Variants in AREL1 observed in about 807,000 individuals in gnomAD.
AREL1 encodes apoptosis resistant E3 ubiquitin protein ligase 1.
In AREL1, 62 loss-of-function variants were observed where a neutral mutation model predicts 99.0. The observed-to-expected ratio is 0.63, with a 90% CI of 0.51 to 0.77. The LOEUF (loss-of-function observed/expected upper bound fraction) is 0.77. Among genes scored for constraint, AREL1 ranks in the 30% least tolerant of loss-of-function variants. The probability of loss-of-function intolerance (pLI) is 0.00; values close to 1 mark genes in which losing one functional copy is unlikely to be tolerated. For missense variants in AREL1, 879 were observed against 1,027.6 expected (o/e 0.86, Z 1.98); for synonymous variants, 380 against 376.5 (o/e 1.01, Z -0.11).
At position 74,661,998 on chromosome 14, in the gene AREL1, A is replaced by G. The variant is rs2089090922; in HGVS notation, c.*1722T>C. 1 of 152,576 alleles carries G rather than the reference A, an allele frequency of 6.6e-6. No homozygotes were observed. The highest frequency in any genetic ancestry group is 2.4e-5 in the African/African-American group (1 of 41,374). 9.5% of individuals were successfully genotyped at this position (152,576 alleles called of 1,614,324 possible). On this transcript the variant is annotated 3_prime_UTR_variant, in exon 20 of 20. Transcript: ENST00000356357. ...ATTATGTTTCCCAGGGTGGTGATAA[A>G]CCTTCCGGTACATATCCCATGGGAA...
chr14:74,669,558 A>C (rs540505319), intron 15 of AREL1, 91 bp downstream of exon 15: 1 of 1,484,812 alleles, frequency 6.7e-7, no homozygotes, highest in African/African-American at 1.4e-5. Flanking sequence ...AATATGGAAC[A>C]TTTCCACCAC....
In AREL1 at chr14:74,672,714, A is replaced by G. The variant is rs146323884; in HGVS notation, c.1422+117T>C. The G allele has an allele frequency of 4.1e-4, 568 of 1,397,284 alleles. 6 individuals are homozygous for G. The African/African-American group carries it at 7.3e-3, about 18-fold the overall frequency. The allele number at this position is 1,397,284 out of a possible 1,614,324, so 86.6% of individuals were successfully genotyped here. On this transcript the variant is annotated intron_variant, in intron 11 of 19. Transcript: ENST00000356357. ...CGCACCTCTGCACCCCAGCCTGGGC[A>G]ATAGAGTGAGACCCTATCTCCCAAA...
At position 74,661,618 on chromosome 14, in the gene AREL1, C is replaced by A. The variant is rs548357349; in HGVS notation, c.*2102G>T. The A allele has an allele frequency of 1.1e-3, 204 of 184,954 alleles. 1 individual carries two copies. Among genetic ancestry groups the A allele is most frequent in the African/African-American group, 4.7e-3 (186 of 39,524 alleles). 11.5% of individuals were successfully genotyped at this position (184,954 alleles called of 1,614,324 possible). ...AAAGCAGGATTAGAAAAAAAAAAAA[C>A]AAAACAGTAAAAGAAAAGGCCCAAG... On this transcript the variant is annotated 3_prime_UTR_variant, in exon 20 of 20. Coordinates refer to ENST00000356357, the MANE Select transcript of AREL1 (RefSeq NM_001039479.2).
At chr14:74,705,989 G>A (rs76131377) in intron 1 of AREL1, among the ~76,000 whole-genome samples, 1 of 152,194 alleles carries the variant, frequency 6.6e-6, no homozygotes, top group East Asian at 1.9e-4. Flanking sequence ...CTCATGGGGA[G>A]AAAAACAAAA....
rs1165500321 is a variant in AREL1 at position 74,684,511 on chromosome 14, G to A, written c.186C>T (p.Val62=). ...CATAGGGGTCCTTCCAATCCCAGGA[G>A]ACTTTGCAAGACCGGGGATCCAGGT... is the stretch of plus-strand genomic sequence containing the variant. ...GNYLDPRSCK[V]SWDWKDPYEV... The change falls in exon 4 of 20, where the codon GTC becomes GTT. Residue 62 remains valine (V), a synonymous_variant. Transcript: ENST00000356357. 4 of 1,614,050 alleles carry A rather than the reference G, an allele frequency of 2.5e-6. No homozygotes were observed. The South Asian group carries it at 3.3e-5, about 13-fold the overall frequency.
At position 74,667,595 on chromosome 14, in the gene AREL1, C is replaced by G; in HGVS notation, c.1915-1G>C. 4 of 1,601,320 alleles carry G rather than the reference C, an allele frequency of 2.5e-6. No homozygotes were observed. The highest frequency in any genetic ancestry group is 3.4e-6 in the Non-Finnish European group (4 of 1,173,434). ...CTCCACCTGTCATGAGTTCTACAAC[C>G]TGTAACAGGCAGCAAAAGACAGACA... On this transcript the variant is annotated splice_acceptor_variant, in intron 15 of 19. Transcript: ENST00000356357. LOFTEE classifies it high-confidence loss of function.
intron 18 of AREL1, among the ~76,000 whole-genome samples, chr14:74,664,607 C>T (rs2089168639): frequency 1.3e-5 from 2 of 148,374 alleles, no homozygotes; most frequent in Admixed American, 1.3e-4. Context: ...CCACCACACC[C>T]AGCTAATTTT....
intron 2 of AREL1, among the ~76,000 whole-genome samples, chr14:74,689,609 T>C (rs1353639584): frequency 6.8e-6 from 1 of 147,096 alleles, no homozygotes; most frequent in Non-Finnish European, 1.5e-5. Context: ...TTTTTTTTTT[T>C]TTTTTGGGAC....
In AREL1 at chr14:74,675,952, G is replaced by A; in HGVS notation, c.833-6C>T. 4 of 1,574,238 alleles carry A rather than the reference G, an allele frequency of 2.5e-6. No homozygotes were observed. Among genetic ancestry groups the A allele is most frequent in the Non-Finnish European group, 3.4e-6 (4 of 1,160,334 alleles). On this transcript the variant is annotated splice_polypyrimidine_tract_variant and splice_region_variant and intron_variant, in intron 7 of 19. Coordinates refer to ENST00000356357, the MANE Select transcript of AREL1 (RefSeq NM_001039479.2). Reference sequence around the variant, plus strand: ...GACGATATTCTTCTCATCCTCTGAAGTATAATAAGGAATAAGGTTTAAAGT... The same window carrying A: ...GACGATATTCTTCTCATCCTCTGAAATATAATAAGGAATAAGGTTTAAAGT...
At chr14:74,677,480 A>C (rs2089513639) in intron 5 of AREL1, among the ~76,000 whole-genome samples, 1 of 150,238 alleles carries the variant, frequency 6.7e-6, no homozygotes, top group Non-Finnish European at 1.5e-5. Context: ...TGTGTGACAA[A>C]GGGAGACCCT....
At chr14:74,682,361 A>G (rs1214323237) in intron 5 of AREL1, among the ~76,000 whole-genome samples, 1 of 152,184 alleles carries the variant, frequency 6.6e-6, no homozygotes, top group Non-Finnish European at 1.5e-5. Context: ...AACTAACCAA[A>G]CTAATGACTC....
intron 1 of AREL1, among the ~76,000 whole-genome samples, chr14:74,705,752 T>C (rs2090166261): frequency 6.6e-6 from 1 of 152,316 alleles, no homozygotes; most frequent in South Asian, 2.1e-4. Context: ...TCAGTTTGGA[T>C]TCTCTCTATT....
chr14:74,670,268 G>C, intron 13 of AREL1, 142 bp from the exon 14 acceptor site: 1 of 760,064 alleles, frequency 1.3e-6, no homozygotes, highest in Non-Finnish European at 2.0e-6. Flanking sequence ...TAGTTTTTTG[G>C]TAGCCACCAC....
Position 74,712,894 on chromosome 14 carries a change from G to A in AREL1, c.-334+39C>T, listed in dbSNP as rs116394701. 4.1e-3 allele frequency: 2,439 copies of A among 597,314 alleles called. 38 individuals are homozygous for A. Among genetic ancestry groups the A allele is most frequent in the African/African-American group, 0.039 (2,122 of 54,494 alleles). 37.0% of individuals were successfully genotyped at this position (597,314 alleles called of 1,614,324 possible). On this transcript the variant is annotated intron_variant, in intron 1 of 19. Coordinates refer to ENST00000356357, the MANE Select transcript of AREL1 (RefSeq NM_001039479.2). The stretch of plus-strand genomic sequence containing the variant: ...CTCTCTGGAACTCTGGTAAAGGCAG[G>A]TCTTCTGGGCTCTGCCTAAGGCTGG...
In AREL1 at chr14:74,692,260, A is replaced by G. The variant is rs1409514056; in HGVS notation, c.-265T>C. ...CTCCAGGGTAGAGAAATACAGCCCAAGAATATATCATTCCTGGACTTCTCT... is the reference window on the plus strand; with the variant it reads ...CTCCAGGGTAGAGAAATACAGCCCAGGAATATATCATTCCTGGACTTCTCT... On this transcript the variant is annotated 5_prime_UTR_variant, in exon 2 of 20. Coordinates refer to ENST00000356357, the MANE Select transcript of AREL1 (RefSeq NM_001039479.2). 2.2e-6 allele frequency: 1 copy of G among 456,696 alleles called. No individual in the cohort carries two copies. Among genetic ancestry groups the G allele is most frequent in the South Asian group, 1.5e-5 (1 of 64,554 alleles). 28.3% of individuals were successfully genotyped at this position (456,696 alleles called of 1,614,324 possible).
At chr14:74,711,993 T>C (rs2090302919) in intron 1 of AREL1, 1 of 129,806 alleles carries the variant, frequency 7.7e-6, no homozygotes, top group African/African-American at 3.1e-5. Context: ...AGGTACCCAT[T>C]CCGTTCCCAG....
intron 4 of AREL1, 30 bp downstream of exon 4, chr14:74,684,424 A>C (rs747373824): frequency 1.9e-6 from 3 of 1,603,384 alleles, no homozygotes; most frequent in African/African-American, 2.7e-5. Context: ...AGAAACCCCA[A>C]TGGGTATGGA....
intron 17 of AREL1, among the ~76,000 whole-genome samples, chr14:74,665,739 G>A (rs941745825): frequency 2.6e-5 from 4 of 152,144 alleles, no homozygotes; most frequent in Non-Finnish European, 5.9e-5. Flanking sequence ...TCCTAATTTG[G>A]TTCAGGATCC....
intron 5 of AREL1, chr14:74,678,102 A>C: frequency 4.7e-6 from 2 of 421,712 alleles, no homozygotes; most frequent in South Asian, 3.5e-5. Context: ...GATTATTCTA[A>C]AATTTAAATG....
Sources: allele counts gnomAD v4.1 joint callset (sites outside exome capture counted in the v4.1 genomes callset), GRCh38; gene constraint gnomAD v4.1.1; transcripts MANE v1.5; gene names NCBI Gene and HGNC (gene_info 2026-07-23, HGNC 2026-07-21).